Variants in TCF7L2 observed in about 807,000 individuals in gnomAD.
TCF7L2 encodes the protein transcription factor 7 like 2, also known as transcription factor 7-like 2.
Under a neutral mutation model 77.9 loss-of-function variants are expected in TCF7L2, and 23 were observed. The ratio of observed to expected loss-of-function variants is 0.30; its 90% CI spans 0.21 to 0.42. The LOEUF (loss-of-function observed/expected upper bound fraction) is 0.42. Among genes scored for constraint, TCF7L2 ranks in the 10% least tolerant of loss-of-function variants. The pLI, the probability that TCF7L2 is intolerant of heterozygous loss-of-function variation, is 1.00. For synonymous variants in TCF7L2, 413 were observed against 340.2 expected (o/e 1.21, Z -2.36); for missense variants, 654 against 793.1 (o/e 0.82, Z 2.11).
intron 6 of TCF7L2, among the ~76,000 whole-genome samples, chr10:113,143,691 C>T (rs1055042021): frequency 1.3e-5 from 2 of 152,316 alleles, no homozygotes; most frequent in East Asian, 3.9e-4. Context: ...TATCTTGAGT[C>T]TACTCAGTAT....
intron 4 of TCF7L2, among the ~76,000 whole-genome samples, chr10:112,997,464 TA>T (rs2043681071): frequency 6.6e-6 from 1 of 152,180 alleles, no homozygotes; most frequent in African/African-American, 2.4e-5. Context: ...CCCTGTGAGA[TA>T]GTGAAACAAT....
rs182528834 is a variant in TCF7L2 at position 113,151,500 on chromosome 10, A to G, written c.1002-225A>G. Among the ~76,000 whole-genome samples, 77 of 152,226 alleles carry G rather than the reference A, an allele frequency of 5.1e-4. 1 individual carries two copies. The highest frequency in any genetic ancestry group is 1.3e-3 in the African/African-American group (56 of 41,536). On this transcript the variant is annotated intron_variant, in intron 9 of 13. Transcript: ENST00000627217. The surrounding 1 kb of genome is among the most constrained non-coding windows in gnomAD (Gnocchi z 5.2). ...CCCCTCTGGCTTGGGAAAATTGTAT[A>G]TTTGTGAAACTTGAGGAAGTGATTG... is the stretch of plus-strand genomic sequence containing the variant.
chr10:112,991,608 T>A (rs999451559), intron 4 of TCF7L2, among the ~76,000 whole-genome samples: 1 of 151,874 alleles, frequency 6.6e-6, no homozygotes, highest in Non-Finnish European at 1.5e-5. Flanking sequence ...GGAGTCAGGC[T>A]CAGAGGCTGC....
intron 3 of TCF7L2, among the ~76,000 whole-genome samples, chr10:112,962,854 C>T (rs1364427143): frequency 6.6e-6 from 1 of 152,166 alleles, no homozygotes; most frequent in Non-Finnish European, 1.5e-5. Context: ...CCGCCTCAGC[C>T]CCCCAAAGTG....
rs188333249 is a variant in TCF7L2 at position 113,165,967 on chromosome 10, G to A, written c.1804G>A (p.Glu602Lys). Residue 602 changes from glutamate to lysine, a missense_variant, in exon 14 of 14, where the codon GAA becomes AAA. Glu to Lys is a moderately conservative substitution (Grantham distance 56, BLOSUM62 1). Transcript: ENST00000627217. ...GCTGTCGCTCGTCACCAAGTCTTTA[G>A]AATAGCTTTAGCGTCGTGAACCCCG... 1 of 1,521,328 alleles carries A rather than the reference G, an allele frequency of 6.6e-7. No individual in the cohort carries two copies. The highest frequency in any genetic ancestry group is 8.8e-7 in the Non-Finnish European group (1 of 1,133,420). 94.2% of individuals were successfully genotyped at this position (1,521,328 alleles called of 1,614,324 possible). A position where few individuals can be genotyped will look rare whatever the true frequency, so the allele number is the denominator to read the frequency against.
chr10:113,113,509 G>C (rs900566129), intron 5 of TCF7L2, among the ~76,000 whole-genome samples: 3 of 152,124 alleles, frequency 2.0e-5, no homozygotes, highest in African/African-American at 7.2e-5. Context: ...CTCTTGAAAG[G>C]GGGGTTCTGT....
At chr10:112,954,408 GAAT>G (rs1214156454) in intron 3 of TCF7L2, among the ~76,000 whole-genome samples, 1 of 152,124 alleles carries the variant, frequency 6.6e-6, no homozygotes, top group African/African-American at 2.4e-5. Context: ...GGCTTATGAT[GAAT>G]AATACATTAT....
intron 5 of TCF7L2, among the ~76,000 whole-genome samples, chr10:113,051,432 A>G (rs931890993): frequency 6.6e-6 from 1 of 152,338 alleles, no homozygotes; most frequent in African/African-American, 2.4e-5. Context: ...AATTCTAACT[A>G]ATAGTTTGCC....
chr10:113,130,813 TG>T (rs1429295416), intron 5 of TCF7L2, among the ~76,000 whole-genome samples: 5 of 152,066 alleles, frequency 3.3e-5, no homozygotes, highest in Non-Finnish European at 7.4e-5. Context: ...TTACCCAGGC[TG>T]GAGTGCAGTG....
At chr10:113,073,129 T>TGTGTGTGTGTGTGAGAGA (rs56927661) in intron 5 of TCF7L2, among the ~76,000 whole-genome samples, 65 of 123,578 alleles carry the variant, frequency 5.3e-4, no homozygotes, top group Non-Finnish European at 7.2e-4. Flanking sequence ...TGTGTGTGTG[T>TGTGTGTGTGTGTGAGAGA]GAGAGAGAGA....
chr10:112,974,091 G>A (rs2038884767), intron 4 of TCF7L2, among the ~76,000 whole-genome samples: 1 of 152,208 alleles, frequency 6.6e-6, no homozygotes, highest in Non-Finnish European at 1.5e-5. Flanking sequence ...CTTTCCAGGA[G>A]AGGTTATCAT....
At chr10:113,126,728 T>G (rs1355086104) in intron 5 of TCF7L2, 2 of 985,782 alleles carry the variant, frequency 2.0e-6, no homozygotes, top group Admixed American at 6.2e-5. Context: ...TGCTCCCCTG[T>G]GCCGCGGGTG....
At chr10:113,108,070 C>G (rs936913454) in intron 5 of TCF7L2, among the ~76,000 whole-genome samples, 1 of 152,148 alleles carries the variant, frequency 6.6e-6, no homozygotes, top group African/African-American at 2.4e-5. Context: ...GAGCCTCCAG[C>G]CCCCTTTGCC....
At chr10:113,089,440 A>G (rs2060147283) in intron 5 of TCF7L2, 1 of 1,613,584 alleles carries the variant, frequency 6.2e-7, no homozygotes, top group African/African-American at 1.3e-5. Context: ...GACTGTCAGC[A>G]CTTCTACCCC....
At chr10:113,017,267 A>C (rs1218084396) in intron 4 of TCF7L2, among the ~76,000 whole-genome samples, 1 of 152,158 alleles carries the variant, frequency 6.6e-6, no homozygotes, top group East Asian at 1.9e-4. Context: ...AGAGCCTGAG[A>C]CTTTTCTCAT....
Position 112,961,254 on chromosome 10 carries a change from A to ACCGCCCCCCCCCCCCCCCCCCC in TCF7L2, c.382-3300_382-3299insGCCCCCCCCCCCCCCCCCCCCC, listed in dbSNP as rs1349844083. 6.6e-5 allele frequency among the ~76,000 whole-genome samples: 4 copies of ACCGCCCCCCCCCCCCCCCCCCC among 60,478 alleles called. 1 individual carries two copies. The highest frequency in any genetic ancestry group is 4.5e-4 in the African/African-American group (3 of 6,728). 39.7% of individuals were successfully genotyped at this position (60,478 alleles called of 152,430 possible). ...GGTCTCGAACTCCCGACCTCAGGTG[A>ACCGCCCCCCCCCCCCCCCCCCC]CCCCCCCCCCCCCAACCTCGGCCTT... On this transcript the variant is annotated intron_variant, in intron 3 of 13. Coordinates refer to ENST00000627217, the MANE Select transcript of TCF7L2 (RefSeq NM_001146274.2).
At chr10:113,046,255 C>T (rs1343382846) in intron 5 of TCF7L2, among the ~76,000 whole-genome samples, 1 of 152,078 alleles carries the variant, frequency 6.6e-6, no homozygotes, top group Non-Finnish European at 1.5e-5. Flanking sequence ...CAGTTGTAGC[C>T]CCTGCATGTT....
intron 11 of TCF7L2, among the ~76,000 whole-genome samples, chr10:113,153,098 G>A (rs1277735692): frequency 6.6e-6 from 1 of 152,208 alleles, no homozygotes; most frequent in East Asian, 1.9e-4. Context: ...CCTGGGCTCT[G>A]TGTTGGCTAC....
chr10:113,152,531 G>C, intron 11 of TCF7L2, 91 bp downstream of exon 11: 1 of 1,120,662 alleles, frequency 8.9e-7, no homozygotes, highest in South Asian at 1.4e-5. Context: ...CACTTGACTA[G>C]GGTGGGCCTC....
Sources: allele counts gnomAD v4.1 joint callset (sites outside exome capture counted in the v4.1 genomes callset), GRCh38; gene constraint gnomAD v4.1.1; non-coding constraint Gnocchi (gnomAD v3.1); transcripts MANE v1.5; gene names NCBI Gene and HGNC (gene_info 2026-07-23, HGNC 2026-07-21).